Variants in SYMPK observed in about 807,000 individuals in gnomAD.
SYMPK encodes symplekin scaffold protein, also known as symplekin.
SYMPK carries 49 observed loss-of-function variants against 136.4 expected under a neutral mutation model. The ratio of observed to expected loss-of-function variants is 0.36; its 90% CI spans 0.29 to 0.46. SYMPK has a LOEUF of 0.46. Among genes scored for constraint, SYMPK ranks in the 20% least tolerant of loss-of-function variants. The pLI is 1.00. For missense variants in SYMPK, 1,365 were observed against 1,690.0 expected (o/e 0.81, Z 3.37); for synonymous variants, 766 against 713.0 (o/e 1.07, Z -1.19).
At chr19:45,844,639 C>T (rs1600520812) in intron 7 of SYMPK, among the ~76,000 whole-genome samples, 1 of 151,718 alleles carries the variant, frequency 6.6e-6, no homozygotes. Flanking sequence ...CGCGCCACTG[C>T]ACTCCAGCCT....
Position 45,816,523 on chromosome 19 carries a change from C to T in SYMPK, c.3313G>A (p.Glu1105Lys). ...MTILEASGKQ[E>K]PEAKEAPAGP... ...GCAGGCGCCTCCTTGGCCTCTGGCTCCTGCTTGCCGCTGGCCTCCAAGATG... is the reference window on the plus strand; with the variant it reads ...GCAGGCGCCTCCTTGGCCTCTGGCTTCTGCTTGCCGCTGGCCTCCAAGATG... The change falls in exon 25 of 27, where the codon GAG (glutamate) becomes AAG (lysine). Residue 1105 changes from glutamate to lysine, a missense_variant. Physicochemically the swap from Glu to Lys is moderately conservative, Grantham distance 56 (BLOSUM62 1). Coordinates refer to ENST00000245934, the MANE Select transcript of SYMPK (RefSeq NM_004819.3). The T allele has an allele frequency of 2.5e-6, 4 of 1,613,646 alleles. No individual in the cohort carries two copies. Among genetic ancestry groups the T allele is most frequent in the African/African-American group, 2.7e-5 (2 of 75,034 alleles).
At chr19:45,822,896 T>C (rs1474667173) in intron 20 of SYMPK, 50 bp from the exon 21 acceptor site, 15 of 1,472,912 alleles carry the variant, frequency 1.0e-5, no homozygotes, top group Admixed American at 1.7e-5. Context: ...TACACCCTCA[T>C]TTCCCTTCTA....
In SYMPK at chr19:45,830,072, G is replaced by C; in HGVS notation, c.1731C>G (p.Ala577=). 6.4e-7 allele frequency: 1 copy of C among 1,555,724 alleles called. No homozygotes were observed. Residue 577 remains alanine, a synonymous_variant, in exon 13 of 27, where the codon GCC becomes GCG. Coordinates refer to ENST00000245934, the MANE Select transcript of SYMPK (RefSeq NM_004819.3). ...CGCACACCTGGGCTGCCCCGCTGCA[G>C]GCCACAGCCTTCTCAGCCCGCAGGA... The part of the protein sequence containing the change: ...KRILRAEKAV[A]CSGAAQVRIK...
rs35065812 is a variant in SYMPK at position 45,854,879 on chromosome 19, C to CTTTTTTTTTTTT, written c.-12-384_-12-373dup. 161 of 155,320 alleles carry CTTTTTTTTTTTT rather than the reference C, an allele frequency of 1.0e-3. 3 individuals carry two copies. Among genetic ancestry groups the CTTTTTTTTTTTT allele is most frequent in the Non-Finnish European group, 1.3e-3 (95 of 74,278 alleles). The allele number at this position is 155,320 out of a possible 1,614,324, so 9.6% of individuals were successfully genotyped here. On this transcript the variant is annotated intron_variant, in intron 1 of 26. Coordinates refer to ENST00000245934, the MANE Select transcript of SYMPK (RefSeq NM_004819.3). ...TGGACTGGGCACCACAGCAAACTTT[C>CTTTTTTTTTTTT]TTTTTTTTTTTTTTTTGAGATGAAG...
At chr19:45,844,641 C>T (rs1600520818) in intron 7 of SYMPK, among the ~76,000 whole-genome samples, 1 of 151,882 alleles carries the variant, frequency 6.6e-6, no homozygotes, top group African/African-American at 2.4e-5. Flanking sequence ...CGCCACTGCA[C>T]TCCAGCCTGG....
chr19:45,852,459 T>C (rs1476176031), intron 4 of SYMPK, 23 bp downstream of exon 4: 3 of 1,614,222 alleles, frequency 1.9e-6, no homozygotes, highest in Non-Finnish European at 2.5e-6. Context: ...ACCACACCCC[T>C]TTCTCTTCTG....
At chr19:45,838,660 G>A in intron 9 of SYMPK, 45 bp from the exon 10 acceptor site, 1 of 1,582,816 alleles carries the variant, frequency 6.3e-7, no homozygotes, top group Non-Finnish European at 8.6e-7. Flanking sequence ...AGAGAGAGCT[G>A]CAGGCCCTCC....
chr19:45,838,763 T>C (rs1971366745), intron 9 of SYMPK, 148 bp from the exon 10 acceptor site: 7 of 890,350 alleles, frequency 7.9e-6, no homozygotes, highest in Admixed American at 2.9e-5. Context: ...CAGCTCTGCC[T>C]CTGGTGCCAA....
chr19:45,826,328 C>T lies in SYMPK; in HGVS notation c.2227G>A (p.Glu743Lys). The change falls in exon 17 of 27, where the codon GAG becomes AAG. Residue 743 changes from glutamate (E) to lysine (K), a missense_variant. This residue lies in a region of SYMPK where 303 missense variants were observed against 326.6 expected (regional missense o/e 0.93). Coordinates refer to ENST00000245934, the MANE Select transcript of SYMPK (RefSeq NM_004819.3). ...TTCTCCACATACTCCCGCAGCTGCT[C>T]CTTCTCATACATGCGTTTGATGAAC... ...LLFIKRMYEK[E>K]QLREYVEKFA... The T allele has an allele frequency of 1.2e-6, 2 of 1,614,186 alleles. No individual in the cohort carries two copies. The highest frequency in any genetic ancestry group is 1.7e-6 in the Non-Finnish European group (2 of 1,180,032).
intron 1 of SYMPK, among the ~76,000 whole-genome samples, chr19:45,857,510 G>A (rs919473685): frequency 1.4e-5 from 2 of 145,504 alleles, no homozygotes; most frequent in Admixed American, 6.9e-5. Context: ...TTCTTTTTTT[G>A]AGATGGAGTC....
At chr19:45,850,948 T>G (rs1473685767) in intron 5 of SYMPK, among the ~76,000 whole-genome samples, 1 of 151,912 alleles carries the variant, frequency 6.6e-6, no homozygotes, top group Non-Finnish European at 1.5e-5. Flanking sequence ...GAGAGCCAGG[T>G]GGCAACCTGG....
At chr19:45,833,978 C>T (rs541076230) in intron 11 of SYMPK, among the ~76,000 whole-genome samples, 27 of 152,014 alleles carry the variant, frequency 1.8e-4, no homozygotes, top group African/African-American at 6.0e-4. Flanking sequence ...GGTGAAACCC[C>T]GTCTCTACTA....
chr19:45,827,649 G>T lies in SYMPK; in HGVS notation c.2068-26C>A, dbSNP rs374341712. 67 of 1,599,388 alleles carry T rather than the reference G, an allele frequency of 4.2e-5. No individual in the cohort carries two copies. The African/African-American group carries it at 7.9e-4, about 19-fold the overall frequency. On this transcript the variant is annotated intron_variant, in intron 15 of 26. Transcript: ENST00000245934. ...CTGCAGCAAAAGGAAAGGGACCCGAGCTCAGCCCACCTGAGTGTGCCTCTG... is the reference window on the plus strand; with the variant it reads ...CTGCAGCAAAAGGAAAGGGACCCGATCTCAGCCCACCTGAGTGTGCCTCTG...
rs553397244 is a variant in SYMPK at position 45,845,183 on chromosome 19, G to A, written c.677-983C>T. Among the ~76,000 whole-genome samples, 242 of 151,288 alleles carry A rather than the reference G, an allele frequency of 1.6e-3. 5 individuals are homozygous for A. The highest frequency in any genetic ancestry group is 2.1e-3 in the Non-Finnish European group (144 of 67,900). On this transcript the variant is annotated intron_variant, in intron 7 of 26. Coordinates refer to ENST00000245934, the MANE Select transcript of SYMPK (RefSeq NM_004819.3). ...AGTGGAAAGCAGTGGCGTGATCTCGGCTCACTGCAACCTCCACCACCCAGA... is the reference window on the plus strand; with the variant it reads ...AGTGGAAAGCAGTGGCGTGATCTCGACTCACTGCAACCTCCACCACCCAGA...
chr19:45,823,175 A>G (rs975727130), intron 20 of SYMPK, among the ~76,000 whole-genome samples, 197 bp downstream of exon 20: 19 of 152,124 alleles, frequency 1.2e-4, no homozygotes, highest in African/African-American at 4.3e-4. Context: ...GCCCATGCAA[A>G]TGAGGCCAGG....
chr19:45,826,817 G>A (rs1453846306), intron 16 of SYMPK, among the ~76,000 whole-genome samples: 1 of 152,264 alleles, frequency 6.6e-6, no homozygotes, highest in Non-Finnish European at 1.5e-5. Context: ...GCCAGGGCCA[G>A]GGGTGTGAGA....
chr19:45,829,044 G>C lies in SYMPK; in HGVS notation c.1911C>G (p.Gly637=), dbSNP rs1275497766. 6.2e-7 allele frequency: 1 copy of C among 1,614,192 alleles called. No individual in the cohort carries two copies. The highest frequency in any genetic ancestry group is 1.1e-5 in the South Asian group (1 of 91,080). Residue 637 remains glycine, a synonymous_variant, in exon 14 of 27, where the codon GGC becomes GGG. Coordinates refer to ENST00000245934, the MANE Select transcript of SYMPK (RefSeq NM_004819.3). ...GGCAGTCCTCATACTTGTCCAGGGA[G>C]CCCGAGGCACCTGCGGCCAGGTAGG... is the stretch of plus-strand genomic sequence containing the variant. ...YNAYLAAGAS[G]SLDKYEDCLI... is the part of the protein sequence containing the mutation.
rs537349211 is a variant in SYMPK at position 45,853,298 on chromosome 19, C to T, written c.172-763G>A. ...CATGCCCAGCCCAAGTGTCCCATGTCGTCTTCTGCCTTTGCACACACTTCT... is the reference window on the plus strand; with the variant it reads ...CATGCCCAGCCCAAGTGTCCCATGTTGTCTTCTGCCTTTGCACACACTTCT... On this transcript the variant is annotated intron_variant, in intron 3 of 26. Coordinates refer to ENST00000245934, the MANE Select transcript of SYMPK (RefSeq NM_004819.3). 3.2e-4 allele frequency among the ~76,000 whole-genome samples: 49 copies of T among 152,312 alleles called. No homozygotes were observed. In the South Asian group the frequency reaches 8.1e-3, roughly 25 times the overall value.
rs1387779501 is a variant in SYMPK at position 45,815,887 on chromosome 19, C to T, written c.3651G>A (p.Ala1217=). 2 of 1,612,344 alleles carry T rather than the reference C, an allele frequency of 1.2e-6. No individual in the cohort carries two copies. Among genetic ancestry groups the T allele is most frequent in the Admixed American group, 3.3e-5 (2 of 59,980 alleles). The part of the protein sequence containing the change: ...MDDDSGLTEA[A]LLDSSLEGPL... ...GGCCCTCGAGACTAGAGTCCAACAGCGCGGCCTCGGTCAGCCCCGAGTCGT... is the reference window on the plus strand; with the variant it reads ...GGCCCTCGAGACTAGAGTCCAACAGTGCGGCCTCGGTCAGCCCCGAGTCGT... Residue 1217 remains alanine, a synonymous_variant, in exon 26 of 27, where the codon GCG becomes GCA. Coordinates refer to ENST00000245934, the MANE Select transcript of SYMPK (RefSeq NM_004819.3).
Sources: gnomAD v4.1 joint callset for allele counts (sites outside exome capture counted in the v4.1 genomes callset) on GRCh38, gnomAD v4.1.1 for gene constraint, gnomAD v4.1.1 regional missense constraint, MANE v1.5 for transcripts, NCBI Gene and HGNC (gene_info 2026-07-23, HGNC 2026-07-21) for gene names.